NOTCH2NLC: variants seen among roughly 807,000 people sequenced by gnomAD.
The protein encoded by NOTCH2NLC is notch homolog 2 N-terminal-like protein C.
NOTCH2NLC carries 4 observed loss-of-function variants against 17.7 expected under a neutral mutation model. The observed-to-expected ratio is 0.23, with a 90% CI of 0.11 to 0.52. The LOEUF (loss-of-function observed/expected upper bound fraction) is 0.52, where lower values mean the gene tolerates loss of function less well. NOTCH2NLC is among the 20% of genes least tolerant of loss of function. NOTCH2NLC has a pLI of 0.96. For synonymous variants in NOTCH2NLC, 18 were observed against 86.0 expected, an observed-to-expected ratio of 0.21 and a Z score of 4.38; for missense variants, 57 against 207.2, an observed-to-expected ratio of 0.28 and a Z score of 4.45.
intron 1 of NOTCH2NLC, among the ~76,000 whole-genome samples, chr1:149,395,111 G>A (rs1471828686): frequency 6.6e-6 from 1 of 150,542 alleles, no homozygotes; most frequent in Non-Finnish European, 1.5e-5. Context: ...GTACAAATGC[G>A]CTTATGTGCA....
chr1:149,406,962 C>T (rs2084273630), intron 1 of NOTCH2NLC, among the ~76,000 whole-genome samples: 1 of 151,148 alleles, frequency 6.6e-6, no homozygotes, highest in Non-Finnish European at 1.5e-5. Context: ...AAAGAGTAGA[C>T]TAAAAGTACT....
At chr1:149,393,206 C>T (rs1321319733) in intron 1 of NOTCH2NLC, among the ~76,000 whole-genome samples, 1 of 149,686 alleles carries the variant, frequency 6.7e-6, no homozygotes, top group Non-Finnish European at 1.5e-5. Flanking sequence ...TGAGGTGCTG[C>T]GATTATTAGC....
rs1280537185 is a variant in NOTCH2NLC, at chr1:149,408,582, G to C, written c.135+17660G>C. On this transcript the variant is annotated intron_variant, in intron 1 of 4. Transcript: ENST00000650865. The stretch of plus-strand genomic sequence containing the variant: ...AAGGAAATGTGTATCTAGAGCCTGT[G>C]GGAACTGTGACTGATACATTTCAGG... 3.5e-3 allele frequency among the ~76,000 whole-genome samples: 535 copies of C among 151,238 alleles called. 15 individuals carry two copies. Among genetic ancestry groups the C allele is most frequent in the African/African-American group, 0.013 (518 of 41,274 alleles).
In NOTCH2NLC at chr1:149,470,686, CAT is replaced by C. The variant is rs2084713785; in HGVS notation, c.*6536_*6537del. Among the ~76,000 whole-genome samples, 1 of 121,084 alleles carries C rather than the reference CAT, an allele frequency of 8.3e-6. No homozygotes were observed. The highest frequency in any genetic ancestry group is 1.8e-5 in the Non-Finnish European group (1 of 56,810). 79.4% of individuals were successfully genotyped at this position (121,084 alleles called of 152,430 possible). A position where few individuals can be genotyped will look rare whatever the true frequency, so the allele number is the denominator to read the frequency against. ...TTTTTATGGCTGAATAATATTTTAT[CAT>C]ATGGATTTACCACATTTTATCATTT... On this transcript the variant is annotated 3_prime_UTR_variant, in exon 5 of 5. Coordinates refer to ENST00000650865, the MANE Select transcript of NOTCH2NLC (RefSeq NM_001364013.2).
At chr1:149,409,359 A>C (rs1329952760) in intron 1 of NOTCH2NLC, among the ~76,000 whole-genome samples, 1 of 149,710 alleles carries the variant, frequency 6.7e-6, no homozygotes, top group African/African-American at 2.5e-5. Context: ...TGTTGGGAGG[A>C]GGAATAGACC....
intron 1 of NOTCH2NLC, among the ~76,000 whole-genome samples, chr1:149,421,306 G>C (rs2084377706): frequency 6.8e-6 from 1 of 146,180 alleles, no homozygotes; most frequent in Admixed American, 6.8e-5. Context: ...GACCATCCTG[G>C]CTAACACGGT....
rs1339272809 is a variant in NOTCH2NLC, at chr1:149,423,250, T to G, written c.136-7692T>G. Among the ~76,000 whole-genome samples the G allele has an allele frequency of 1.9e-4, 28 of 145,104 alleles. 2 individuals are homozygous for G. Among genetic ancestry groups the G allele is most frequent in the Admixed American group, 7.5e-4 (11 of 14,624 alleles). On this transcript the variant is annotated intron_variant, in intron 1 of 4. Coordinates refer to ENST00000650865, the MANE Select transcript of NOTCH2NLC (RefSeq NM_001364013.2). ...TTATCTCTTATTGCTTTTTTTTGGG[T>G]TTTTTTTTTCCTTTTAATCAAGACA...
intron 1 of NOTCH2NLC, among the ~76,000 whole-genome samples, chr1:149,412,264 G>A (rs2084302248): frequency 6.7e-6 from 1 of 148,220 alleles, no homozygotes; most frequent in South Asian, 2.1e-4. Flanking sequence ...AATTTGGTAG[G>A]TCTCCAACAG....
intron 1 of NOTCH2NLC, among the ~76,000 whole-genome samples, chr1:149,419,060 TTTTCTTTTCTTTTC>T (rs2084363616): frequency 1.3e-5 from 2 of 149,686 alleles, no homozygotes; most frequent in African/African-American, 2.5e-5. Flanking sequence ...TCTTTCTTTT[TTTTCTTTTCTTTTC>T]TTTCTTTTCT....
At chr1:149,435,477 T>C (rs1328603114) in intron 2 of NOTCH2NLC, among the ~76,000 whole-genome samples, 2 of 149,260 alleles carry the variant, frequency 1.3e-5, no homozygotes, top group African/African-American at 4.9e-5. Context: ...ACACAAATCT[T>C]AGTCATGAGA....
chr1:149,390,765 T>C lies in NOTCH2NLC; in HGVS notation c.-23T>C. The C allele has an allele frequency of 8.3e-7, 1 of 1,211,670 alleles. No individual in the cohort carries two copies. The highest frequency in any genetic ancestry group is 1.0e-6 in the Non-Finnish European group (1 of 978,658). 75.1% of individuals were successfully genotyped at this position (1,211,670 alleles called of 1,614,324 possible). ...GGAGGAGGGGAGGAGAGAGTGGGGC[T>C]CCTCTATCGGGACCCCCTCCCCATG... On this transcript the variant is annotated 5_prime_UTR_variant, in exon 1 of 5. Coordinates refer to ENST00000650865, the MANE Select transcript of NOTCH2NLC (RefSeq NM_001364013.2).
At chr1:149,416,087 G>T (rs2101475811) in intron 1 of NOTCH2NLC, among the ~76,000 whole-genome samples, 1 of 135,452 alleles carries the variant, frequency 7.4e-6, no homozygotes, top group African/African-American at 2.7e-5. Context: ...ATGGAATAAG[G>T]TGGCATTTTG....
chr1:149,410,167 A>G (rs1160476402), intron 1 of NOTCH2NLC, among the ~76,000 whole-genome samples: 1 of 116,756 alleles, frequency 8.6e-6, no homozygotes, highest in Non-Finnish European at 1.8e-5. Flanking sequence ...ACCCCATGAG[A>G]TCTAATGCAG....
intron 3 of NOTCH2NLC, among the ~76,000 whole-genome samples, chr1:149,462,217 C>T (rs1362199760): frequency 6.8e-6 from 1 of 147,496 alleles, no homozygotes; most frequent in Non-Finnish European, 1.5e-5. Flanking sequence ...AAAAGCCAGC[C>T]ATGTGAATAC....
rs1213013864 is a variant in NOTCH2NLC at position 149,400,112 on chromosome 1, T to TTATATATA, written c.135+9203_135+9210dup. On this transcript the variant is annotated intron_variant, in intron 1 of 4. Transcript: ENST00000650865. ...AGATTTAGAAAAGCTGTTGATTTATTTATATATATATATATATATAATATA... is the reference window on the plus strand; with the variant it reads ...AGATTTAGAAAAGCTGTTGATTTATTTATATATATATATATATATATATATATAATATA... Among the ~76,000 whole-genome samples, 62 of 138,762 alleles carry TTATATATA rather than the reference T, an allele frequency of 4.5e-4. 1 individual carries two copies. The highest frequency in any genetic ancestry group is 7.2e-4 in the Non-Finnish European group (46 of 63,822). The allele number at this position is 138,762 out of a possible 152,430, so 91.0% of individuals were successfully genotyped here.
intron 2 of NOTCH2NLC, among the ~76,000 whole-genome samples, chr1:149,445,035 T>C (rs1343182282): frequency 6.9e-6 from 1 of 145,846 alleles, no homozygotes. Context: ...TTTTTTCCCC[T>C]CTTTACCAGG....
chr1:149,460,895 CTTTCTTTCTTT>C (rs2084644250), intron 3 of NOTCH2NLC, among the ~76,000 whole-genome samples: 1,307 of 115,640 alleles, frequency 0.011, 55 homozygotes, highest in Non-Finnish European at 0.02. Flanking sequence ...TTCTTTCTTT[CTTTCTTTCTTT>C]CTTTCTTTCT....
chr1:149,425,895 CT>C (rs2084410086), intron 1 of NOTCH2NLC, among the ~76,000 whole-genome samples: 5 of 147,574 alleles, frequency 3.4e-5, no homozygotes, highest in African/African-American at 9.9e-5. Context: ...ATAATCTTGA[CT>C]TTTTTCAAAC....
At chr1:149,423,752 C>T (rs1216831580) in intron 1 of NOTCH2NLC, among the ~76,000 whole-genome samples, 1 of 148,124 alleles carries the variant, frequency 6.8e-6, no homozygotes, top group East Asian at 2.0e-4. Context: ...CATTAAAATA[C>T]CTTCCGATTG....
Sources: gnomAD v4.1 joint callset for allele counts (sites outside exome capture counted in the v4.1 genomes callset) on GRCh38, gnomAD v4.1.1 for gene constraint, MANE v1.5 for transcripts, NCBI Gene and HGNC (gene_info 2026-07-23, HGNC 2026-07-21) for gene names.